TBC1D9: variants seen among roughly 807,000 people sequenced by gnomAD.
TBC1D9 encodes the protein TBC1 domain family member 9.
TBC1D9 carries 63 observed loss-of-function variants against 132.0 expected under a neutral mutation model. That is an observed-to-expected ratio of 0.48 (90% CI 0.39 to 0.59). The LOEUF (loss-of-function observed/expected upper bound fraction) is 0.59, where lower values mean the gene tolerates loss of function less well. TBC1D9 is among the 20% of genes least tolerant of loss of function. TBC1D9 has a pLI of 0.00. For missense variants in TBC1D9, 1,261 were observed against 1,592.7 expected, an observed-to-expected ratio of 0.79 and a Z score of 3.54; for synonymous variants, 610 against 609.9, an observed-to-expected ratio of 1.00 and a Z score of 0.00.
chr4:140,665,427 A>T (rs1358458847), intron 9 of TBC1D9, among the ~76,000 whole-genome samples: 3 of 152,186 alleles, frequency 2.0e-5, no homozygotes, highest in African/African-American at 4.8e-5. Flanking sequence ...CAGGCAAAGG[A>T]TCTGAGTACA....
rs1173988154 is a variant in TBC1D9, at chr4:140,660,320, TAATA to T, written c.1804-619_1804-616del. Among the ~76,000 whole-genome samples the T allele has an allele frequency of 5.3e-5, 8 of 152,200 alleles. No individual in the cohort carries two copies. The South Asian group carries it at 1.0e-3, about 20-fold the overall frequency. ...ATAACCACTCTAGACTCAACTACTTTAATAGTCTTCTTAATTAAAAAGAGGAAGA... is the reference window on the plus strand; with the variant it reads ...ATAACCACTCTAGACTCAACTACTTTGTCTTCTTAATTAAAAAGAGGAAGA... On this transcript the variant is annotated intron_variant, in intron 10 of 20. Transcript: ENST00000442267.
chr4:140,636,850 A>G (rs947757392), intron 15 of TBC1D9, among the ~76,000 whole-genome samples: 1 of 152,222 alleles, frequency 6.6e-6, no homozygotes, highest in Non-Finnish European at 1.5e-5. Flanking sequence ...ATTCTTTAGT[A>G]GAAGAGACTC....
intron 1 of TBC1D9, among the ~76,000 whole-genome samples, chr4:140,727,253 C>A (rs985844930): frequency 2.0e-5 from 3 of 152,138 alleles, no homozygotes; most frequent in Admixed American, 6.5e-5. Context: ...ATTCACTGCC[C>A]CAGTGGAAGA....
At chr4:140,668,604 T>G (rs1344222729) in intron 9 of TBC1D9, among the ~76,000 whole-genome samples, 1 of 152,168 alleles carries the variant, frequency 6.6e-6, no homozygotes, top group East Asian at 1.9e-4. Flanking sequence ...ACTACTGAAG[T>G]CACAAAGTAT....
chr4:140,680,718 C>T (rs1737690654), intron 3 of TBC1D9, among the ~76,000 whole-genome samples: 2 of 152,118 alleles, frequency 1.3e-5, no homozygotes, highest in African/African-American at 4.8e-5. Context: ...TAGCCTTGGC[C>T]AACTTCTCAG....
At position 140,627,829 on chromosome 4, in the gene TBC1D9, C is replaced by A. The variant is rs556745276; in HGVS notation, c.2813-302G>T. ...TAACAAAATTTTAGGAAACTGTACG[C>A]TATAAAGAGAATTCCCAAATCTAGT... On this transcript the variant is annotated intron_variant, in intron 17 of 20. Coordinates refer to ENST00000442267, the MANE Select transcript of TBC1D9 (RefSeq NM_015130.3). 8.5e-5 allele frequency among the ~76,000 whole-genome samples: 13 copies of A among 152,294 alleles called. No individual in the cohort carries two copies. The South Asian group carries it at 2.7e-3, about 32-fold the overall frequency.
intron 13 of TBC1D9, among the ~76,000 whole-genome samples, chr4:140,653,279 C>T (rs1471996705): frequency 6.6e-6 from 1 of 152,170 alleles, no homozygotes; most frequent in Non-Finnish European, 1.5e-5. Context: ...TTCAGTATTT[C>T]TTTCCTATGT....
At chr4:140,636,836 T>C (rs1307658852) in intron 15 of TBC1D9, among the ~76,000 whole-genome samples, 1 of 152,196 alleles carries the variant, frequency 6.6e-6, no homozygotes, top group Non-Finnish European at 1.5e-5. Flanking sequence ...AAGTTTTATA[T>C]TGGATTCTTT....
At chr4:140,643,609 C>T in intron 13 of TBC1D9, 1 of 939,888 alleles carries the variant, frequency 1.1e-6, no homozygotes, top group Non-Finnish European at 1.6e-6. Context: ...TCCTCCGGCG[C>T]TGCCTCTGCC....
rs899569619 is a variant in TBC1D9 at position 140,669,870 on chromosome 4, C to T, written c.1267-66G>A. ...GCAATAGAACCTACTTCTTCAGTGTCTTCTGTATGGTTATCAAAAGCTACA... is the reference window on the plus strand; with the variant it reads ...GCAATAGAACCTACTTCTTCAGTGTTTTCTGTATGGTTATCAAAAGCTACA... On this transcript the variant is annotated intron_variant, in intron 7 of 20. Transcript: ENST00000442267. The T allele has an allele frequency of 1.2e-5, 17 of 1,452,292 alleles. No homozygotes were observed. The African/African-American group carries it at 2.2e-4, about 19-fold the overall frequency. The allele number at this position is 1,452,292 out of a possible 1,614,324, so 90.0% of individuals were successfully genotyped here. A position where few individuals can be genotyped will look rare whatever the true frequency, so the allele number is the denominator to read the frequency against.
intron 1 of TBC1D9, among the ~76,000 whole-genome samples, chr4:140,738,064 A>G (rs1043617337): frequency 3.3e-5 from 5 of 152,240 alleles, no homozygotes; most frequent in African/African-American, 1.2e-4. Context: ...AAGGAAAAAT[A>G]AACCAGATAT....
chr4:140,642,535 T>C lies in TBC1D9; in HGVS notation c.2338-3107A>G, dbSNP rs1338618267. On this transcript the variant is annotated intron_variant, in intron 13 of 20. Transcript: ENST00000442267. ...GAAGGGTGACTTCAACTTGTCCTGC[T>C]TGGTGAGGGAGAGGGCCTTTGTCGA... is the stretch of plus-strand genomic sequence containing the variant. 29 of 1,160,818 alleles carry C rather than the reference T, an allele frequency of 2.5e-5. No individual in the cohort carries two copies. The East Asian group carries it at 5.6e-4, about 22-fold the overall frequency. 71.9% of individuals were successfully genotyped at this position (1,160,818 alleles called of 1,614,324 possible).
At chr4:140,743,388 G>T (rs986890914) in intron 1 of TBC1D9, among the ~76,000 whole-genome samples, 6 of 152,060 alleles carry the variant, frequency 3.9e-5, no homozygotes, top group African/African-American at 1.4e-4. Context: ...CTTCATAACG[G>T]GTGCTAAAAC....
Position 140,621,271 on chromosome 4 carries a change from G to A in TBC1D9, c.*924C>T, listed in dbSNP as rs1168777360. The stretch of plus-strand genomic sequence containing the variant: ...TGTGGTATAAATTTCTTCAATCTAT[G>A]GAGAATACGGAAATGGTAAAGTTGA... On this transcript the variant is annotated 3_prime_UTR_variant, in exon 21 of 21. Transcript: ENST00000442267. The A allele has an allele frequency of 6.6e-6, 1 of 152,492 alleles. No homozygotes were observed. The highest frequency in any genetic ancestry group is 2.4e-5 in the African/African-American group (1 of 41,406). The allele number at this position is 152,492 out of a possible 1,614,324, so 9.4% of individuals were successfully genotyped here. A position where few individuals can be genotyped will look rare whatever the true frequency, so the allele number is the denominator to read the frequency against.
chr4:140,725,409 T>C (rs1738484239), intron 1 of TBC1D9, among the ~76,000 whole-genome samples: 1 of 152,156 alleles, frequency 6.6e-6, no homozygotes, highest in African/African-American at 2.4e-5. Context: ...TGGAGATTCA[T>C]TCCTCATCTA....
rs1738013001 is a variant in TBC1D9, at chr4:140,698,579, C to G, written c.241+2925G>C. Among the ~76,000 whole-genome samples, 3 of 152,214 alleles carry G rather than the reference C, an allele frequency of 2.0e-5. No homozygotes were observed. The South Asian group carries it at 6.2e-4, about 32-fold the overall frequency. On this transcript the variant is annotated intron_variant, in intron 2 of 20. Coordinates refer to ENST00000442267, the MANE Select transcript of TBC1D9 (RefSeq NM_015130.3). ...CCTGACCAACATGGTAAAACCCCGTCTCTACTAAAAATACAAAAACTGGCA... is the reference window on the plus strand; with the variant it reads ...CCTGACCAACATGGTAAAACCCCGTGTCTACTAAAAATACAAAAACTGGCA...
intron 10 of TBC1D9, among the ~76,000 whole-genome samples, chr4:140,660,579 G>A (rs1424317053): frequency 1.3e-5 from 2 of 152,162 alleles, no homozygotes; most frequent in Non-Finnish European, 2.9e-5. Flanking sequence ...ACATGATGAT[G>A]GTCCCTGCCA....
intron 3 of TBC1D9, among the ~76,000 whole-genome samples, chr4:140,683,518 T>A (rs945003352): frequency 8.5e-5 from 13 of 152,212 alleles, no homozygotes; most frequent in African/African-American, 3.1e-4. Context: ...GTCATTCCAG[T>A]TCTAGGCAAC....
At chr4:140,652,383 T>C (rs2110991506) in intron 13 of TBC1D9, among the ~76,000 whole-genome samples, 1 of 152,336 alleles carries the variant, frequency 6.6e-6, no homozygotes, top group Middle Eastern at 3.4e-3. Flanking sequence ...CTCTAATTTG[T>C]TGCACAGGAA....
Sources: gnomAD v4.1 joint callset for allele counts (sites outside exome capture counted in the v4.1 genomes callset) on GRCh38, gnomAD v4.1.1 for gene constraint, MANE v1.5 for transcripts, NCBI Gene and HGNC (gene_info 2026-07-23, HGNC 2026-07-21) for gene names.